The following ANOS1 variants were observed in gnomAD, a reference collection of about 807,000 sequenced individuals.
The protein encoded by ANOS1 is anosmin-1.
In ANOS1, 6 loss-of-function variants were observed where a neutral mutation model predicts 59.0. The observed-to-expected ratio is 0.10, with a 90% CI of 0.06 to 0.20. The LOEUF (loss-of-function observed/expected upper bound fraction) is 0.20, where lower values mean the gene tolerates loss of function less well. Ranked by LOEUF, ANOS1 falls within the 10% of genes least tolerant of loss-of-function variation. The pLI is 1.00. For synonymous variants in ANOS1, 217 were observed against 223.4 expected (o/e 0.97, Z 0.25); for missense variants, 433 against 542.3 (o/e 0.80, Z 2.00).
intron 1 of ANOS1, among the ~76,000 whole-genome samples, chrX:8,710,275 T>C (rs1429543357): frequency 1.8e-5 from 2 of 111,881 alleles, no homozygotes; most frequent in African/African-American, 6.5e-5. Context: ...TCCGATTTTA[T>C]AGTTAACCAC....
At chrX:8,576,329 T>A (rs1387377649) in intron 6 of ANOS1, among the ~76,000 whole-genome samples, 4 of 111,022 alleles carry the variant, frequency 3.6e-5, no homozygotes, top group African/African-American at 9.8e-5. Flanking sequence ...TGAGAATTGG[T>A]TCCCTACGTT....
At chrX:8,663,899 C>G (rs867064478) in intron 2 of ANOS1, among the ~76,000 whole-genome samples, 1 of 111,608 alleles carries the variant, frequency 9.0e-6, no homozygotes, top group Non-Finnish European at 1.9e-5. Flanking sequence ...AGATCATGTC[C>G]TTTGCAGGGA....
intron 2 of ANOS1, among the ~76,000 whole-genome samples, chrX:8,687,564 C>T (rs192049789): frequency 1.6e-3 from 167 of 105,127 alleles, no homozygotes; most frequent in African/African-American, 5.5e-3. Flanking sequence ...TTTTCCAACC[C>T]AGAAGAAAAC....
intron 1 of ANOS1, among the ~76,000 whole-genome samples, chrX:8,725,625 G>GAT (rs745463210): frequency 3.2e-5 from 1 of 31,081 alleles, no homozygotes; most frequent in Non-Finnish European, 5.8e-5. Flanking sequence ...TATATATACA[G>GAT]ATATATATAT....
intron 2 of ANOS1, among the ~76,000 whole-genome samples, chrX:8,685,504 G>A (rs185462315): frequency 1.7e-4 from 17 of 101,045 alleles, no homozygotes; most frequent in African/African-American, 4.0e-4. Flanking sequence ...GAAGAGAAGA[G>A]AAAGAGAAAG....
chrX:8,677,376 T>C (rs147593746), intron 2 of ANOS1, among the ~76,000 whole-genome samples: 2,618 of 112,133 alleles, frequency 0.023, 85 homozygotes, highest in African/African-American at 0.08. Flanking sequence ...AGAATTTTCA[T>C]TGTATTCAAT....
intron 2 of ANOS1, among the ~76,000 whole-genome samples, chrX:8,633,712 G>C (rs1431810588): frequency 8.9e-6 from 1 of 112,116 alleles, no homozygotes; most frequent in African/African-American, 3.2e-5. Flanking sequence ...TCTCCTGAAA[G>C]GATGCACTAG....
intron 1 of ANOS1, among the ~76,000 whole-genome samples, chrX:8,704,259 G>C (rs759938601): frequency 1.8e-5 from 2 of 111,840 alleles, no homozygotes; most frequent in South Asian, 7.6e-4. Flanking sequence ...AGCAGCATGA[G>C]AACAGACTAA....
At chrX:8,618,934 G>A (rs1601982873) in intron 3 of ANOS1, among the ~76,000 whole-genome samples, 1 of 109,002 alleles carries the variant, frequency 9.2e-6, no homozygotes, top group African/African-American at 3.3e-5. Flanking sequence ...TAAGCTGGGA[G>A]TGGTGATGCA....
At chrX:8,625,884 G>A (rs917735978) in intron 2 of ANOS1, among the ~76,000 whole-genome samples, 1 of 109,554 alleles carries the variant, frequency 9.1e-6, no homozygotes, top group Non-Finnish European at 1.9e-5. Context: ...AGGCCGAGGC[G>A]GGCAGATCAT....
intron 8 of ANOS1, among the ~76,000 whole-genome samples, chrX:8,554,474 G>A (rs981211745): frequency 1.7e-4 from 18 of 107,392 alleles, no homozygotes; most frequent in African/African-American, 3.4e-4. Context: ...TGCCTACACC[G>A]CCAGGCCCCT....
At position 8,649,339 on chromosome X, in the gene ANOS1, G is replaced by A. The variant is rs767250707; in HGVS notation, c.256-25669C>T. On this transcript the variant is annotated intron_variant, in intron 2 of 13. Transcript: ENST00000262648. Reference sequence around the variant, plus strand: ...TACTGCTGAGGATTTTATGACCCAGGGAGTTGACATACGTGACTATGTCTA... The same window carrying A: ...TACTGCTGAGGATTTTATGACCCAGAGAGTTGACATACGTGACTATGTCTA... Among the ~76,000 whole-genome samples, 5 of 111,647 alleles carry A rather than the reference G, an allele frequency of 4.5e-5. No homozygotes were observed. The South Asian group carries it at 1.1e-3, about 25-fold the overall frequency.
chrX:8,701,908 G>T (rs1184033647), intron 1 of ANOS1, among the ~76,000 whole-genome samples: 1 of 111,466 alleles, frequency 9.0e-6, no homozygotes, highest in East Asian at 2.8e-4. Context: ...AAAGATCTCG[G>T]TCCCATATGA....
chrX:8,666,785 C>G (rs749801159), intron 2 of ANOS1, among the ~76,000 whole-genome samples: 14 of 111,653 alleles, frequency 1.3e-4, no homozygotes, highest in Admixed American at 4.8e-4. Context: ...GCTGATAAGT[C>G]CCCTTCAACT....
chrX:8,598,438 C>T (rs1181521749), intron 3 of ANOS1, among the ~76,000 whole-genome samples: 1 of 112,158 alleles, frequency 8.9e-6, no homozygotes, highest in Non-Finnish European at 1.9e-5. Context: ...GATAATGGCT[C>T]TTTTCTGCCA....
chrX:8,657,180 G>A (rs1390654623), intron 2 of ANOS1, among the ~76,000 whole-genome samples: 5 of 112,537 alleles, frequency 4.4e-5, no homozygotes, highest in African/African-American at 6.5e-5. Context: ...GACTTCCCAC[G>A]TGGGTGATAT....
intron 3 of ANOS1, among the ~76,000 whole-genome samples, chrX:8,617,075 G>A (rs1451667274): frequency 3.6e-5 from 4 of 112,202 alleles, no homozygotes; most frequent in Admixed American, 9.5e-5. Flanking sequence ...AATTGGGGAA[G>A]CTATTGTTCT....
intron 4 of ANOS1, among the ~76,000 whole-genome samples, chrX:8,593,725 G>A (rs150407562): frequency 0.011 from 1,186 of 111,803 alleles, 6 homozygotes; most frequent in Non-Finnish European, 0.016. Flanking sequence ...CCAGACTGGA[G>A]TGCAGTGGCA....
intron 2 of ANOS1, among the ~76,000 whole-genome samples, chrX:8,677,396 T>C (rs1429556493): frequency 8.9e-6 from 1 of 112,232 alleles, no homozygotes; most frequent in Non-Finnish European, 1.9e-5. Context: ...TTTAAGTAAA[T>C]GTAAACTTAA....
Sources: allele counts gnomAD v4.1 joint callset (sites outside exome capture counted in the v4.1 genomes callset), GRCh38; gene constraint gnomAD v4.1.1; transcripts MANE v1.5; gene names NCBI Gene and HGNC (gene_info 2026-07-23, HGNC 2026-07-21).